SCMH1: variants seen among roughly 807,000 people sequenced by gnomAD.
SCMH1 encodes polycomb protein SCMH1.
SCMH1 carries 37 observed loss-of-function variants against 70.8 expected under a neutral mutation model. The observed-to-expected ratio is 0.52, with a 90% confidence interval of 0.40 to 0.69. The LOEUF (loss-of-function observed/expected upper bound fraction) is 0.69, where lower values mean the gene tolerates loss of function less well. SCMH1 is among the 30% of genes least tolerant of loss of function. The pLI, the probability that SCMH1 is intolerant of heterozygous loss-of-function variation, is 0.00. For synonymous variants in SCMH1, 292 were observed against 307.4 expected, an observed-to-expected ratio of 0.95 and a Z score of 0.52; for missense variants, 607 against 827.3, an observed-to-expected ratio of 0.73 and a Z score of 3.27.
intron 2 of SCMH1, among the ~76,000 whole-genome samples, chr1:41,167,936 G>T (rs1257900314): frequency 6.8e-6 from 1 of 146,698 alleles, no homozygotes; most frequent in Non-Finnish European, 1.5e-5. Context: ...TTTCCTTTCA[G>T]GGTTTTGAAT....
chr1:41,120,731 T>C (rs1415870652), intron 6 of SCMH1, among the ~76,000 whole-genome samples: 1 of 152,182 alleles, frequency 6.6e-6, no homozygotes, highest in African/African-American at 2.4e-5. Flanking sequence ...GGCCATGAAG[T>C]ACAAAGATCT....
intron 8 of SCMH1, among the ~76,000 whole-genome samples, chr1:41,083,474 G>C (rs1047619357): frequency 2.6e-4 from 39 of 152,298 alleles, no homozygotes; most frequent in Non-Finnish European, 5.3e-4. Context: ...TGAAATAAAA[G>C]AGGACACAAA....
chr1:41,074,072 C>CCTTTT (rs1657423697), intron 9 of SCMH1, among the ~76,000 whole-genome samples: 1 of 128,462 alleles, frequency 7.8e-6, no homozygotes, highest in African/African-American at 2.9e-5. Flanking sequence ...TGACAGAAGT[C>CCTTTT]TTTTTTTTTT....
intron 8 of SCMH1, among the ~76,000 whole-genome samples, chr1:41,109,980 T>G (rs1668857530): frequency 6.6e-6 from 1 of 152,166 alleles, no homozygotes; most frequent in African/African-American, 2.4e-5. Context: ...GCACCAAGGC[T>G]TATCCTGTTT....
chr1:41,218,045 T>C lies in SCMH1; in HGVS notation c.-118+24014A>G, dbSNP rs142860361. ...ATAAATTTTGTTTCAGGAAGGACTATACCCAGAGGCTCACTCATATCTGAT... is the reference window on the plus strand; with the variant it reads ...ATAAATTTTGTTTCAGGAAGGACTACACCCAGAGGCTCACTCATATCTGAT... On this transcript the variant is annotated intron_variant, in intron 1 of 14. Transcript: ENST00000337495. 1.2e-3 allele frequency among the ~76,000 whole-genome samples: 190 copies of C among 152,338 alleles called. 3 individuals are homozygous for C. Among genetic ancestry groups the C allele is most frequent in the African/African-American group, 4.2e-3 (176 of 41,586 alleles).
At chr1:41,143,653 C>T (rs1644299331) in intron 5 of SCMH1, among the ~76,000 whole-genome samples, 2 of 152,096 alleles carry the variant, frequency 1.3e-5, no homozygotes, top group Non-Finnish European at 1.5e-5. Context: ...ACTATATACA[C>T]CATATAAACC....
rs184038155 is a variant in SCMH1 at position 41,128,243 on chromosome 1, A to C, written c.413-11233T>G. ...ATATGTACACTACAAATTTTATTAT[A>C]TTTACCTACAAATTTTCCTCATTGC... On this transcript the variant is annotated intron_variant, in intron 6 of 14. Coordinates refer to ENST00000337495, the Ensembl canonical transcript of SCMH1. 3.3e-4 allele frequency among the ~76,000 whole-genome samples: 50 copies of C among 152,220 alleles called. No homozygotes were observed. In the East Asian group the frequency reaches 8.5e-3, roughly 26 times the overall value.
chr1:41,078,037 T>C (rs1658893384), intron 8 of SCMH1, among the ~76,000 whole-genome samples: 1 of 152,048 alleles, frequency 6.6e-6, no homozygotes, highest in East Asian at 1.9e-4. Flanking sequence ...TAAGAAAAGG[T>C]AGATAGTACC....
At chr1:41,070,602 G>C (rs1213682252) in exon 10 of SCMH1, 1 of 1,614,094 alleles carries the variant, frequency 6.2e-7, no homozygotes, top group South Asian at 1.1e-5. Flanking sequence ...TACCTGTTGG[G>C]GCCTGCATGG....
At chr1:41,031,786 C>T (rs1043082644) in intron 13 of SCMH1, among the ~76,000 whole-genome samples, 2 of 152,164 alleles carry the variant, frequency 1.3e-5, no homozygotes, top group Admixed American at 6.5e-5. Context: ...GATAATTCCT[C>T]TAATCAGAGG....
chr1:41,084,740 A>G (rs1451356562), intron 8 of SCMH1, among the ~76,000 whole-genome samples: 1 of 152,150 alleles, frequency 6.6e-6, no homozygotes, highest in Admixed American at 6.6e-5. Flanking sequence ...ATGTCCATCA[A>G]TGATAGACTG....
At chr1:41,150,071 C>T (rs1644928372) in intron 5 of SCMH1, among the ~76,000 whole-genome samples, 1 of 152,048 alleles carries the variant, frequency 6.6e-6, no homozygotes, top group Non-Finnish European at 1.5e-5. Flanking sequence ...CTGCTGGGCT[C>T]AACATGAGTT....
intron 2 of SCMH1, among the ~76,000 whole-genome samples, chr1:41,180,719 C>A (rs538181202): frequency 6.6e-6 from 1 of 152,262 alleles, no homozygotes; most frequent in Admixed American, 6.5e-5. Flanking sequence ...AATGGAAGAA[C>A]ATTCCATGCT....
chr1:41,087,937 G>GGTGTGTGGGTGTGTGTGT (rs1553238425), intron 8 of SCMH1, among the ~76,000 whole-genome samples: 4 of 139,844 alleles, frequency 2.9e-5, no homozygotes, highest in African/African-American at 1.1e-4. Context: ...TATAGTTTCT[G>GGTGTGTGGGTGTGTGTGT]GTGTGTGTGT....
intron 1 of SCMH1, among the ~76,000 whole-genome samples, chr1:41,213,936 A>T (rs1480760937): frequency 1.3e-5 from 2 of 152,126 alleles, no homozygotes; most frequent in African/African-American, 4.8e-5. Context: ...GCTGTCTCAA[A>T]GCTCAATACT....
chr1:41,035,639 C>T (rs886562131), intron 13 of SCMH1, among the ~76,000 whole-genome samples: 1 of 152,128 alleles, frequency 6.6e-6, no homozygotes, highest in Non-Finnish European at 1.5e-5. Context: ...CTGCCTATGC[C>T]CTTGATCCCA....
At chr1:41,151,324 G>A (rs780880865) in intron 5 of SCMH1, among the ~76,000 whole-genome samples, 29 of 152,290 alleles carry the variant, frequency 1.9e-4, no homozygotes, top group Middle Eastern at 3.4e-3. Flanking sequence ...TTTCCTGTCC[G>A]AATTAAGAGC....
chr1:41,204,747 C>A (rs888451228), intron 1 of SCMH1, among the ~76,000 whole-genome samples: 1 of 152,180 alleles, frequency 6.6e-6, no homozygotes, highest in Non-Finnish European at 1.5e-5. Flanking sequence ...TAGCAGTTAG[C>A]ACCATTTAAT....
At chr1:41,143,453 G>T (rs147022289) in intron 5 of SCMH1, among the ~76,000 whole-genome samples, 1 of 151,818 alleles carries the variant, frequency 6.6e-6, no homozygotes, top group African/African-American at 2.4e-5. Context: ...GGACTACTAC[G>T]TCCTATTAAA....
Sources: gnomAD v4.1 joint callset for allele counts (sites outside exome capture counted in the v4.1 genomes callset) on GRCh38, gnomAD v4.1.1 for gene constraint, MANE v1.5 for transcripts, NCBI Gene and HGNC (gene_info 2026-07-23, HGNC 2026-07-21) for gene names.